The following C3orf52 variants were observed in gnomAD, a reference collection of about 807,000 sequenced individuals.
C3orf52 encodes chromosome 3 open reading frame 52.
In C3orf52, 22 loss-of-function variants were observed where a neutral mutation model predicts 24.8. That is an observed-to-expected ratio of 0.89 (90% confidence interval 0.63 to 1.27). The LOEUF is 1.27. Among genes scored for constraint, C3orf52 ranks in the 50% most tolerant of loss-of-function variants. The probability of loss-of-function intolerance (pLI) is 0.00; values close to 1 mark genes in which losing one functional copy is unlikely to be tolerated. For missense variants in C3orf52, 265 were observed against 260.7 expected, an observed-to-expected ratio of 1.02 and a Z score of -0.11; for synonymous variants, 93 against 100.2, an observed-to-expected ratio of 0.93 and a Z score of 0.43.
chr3:112,127,828 C>T (rs1334180649), intron 4 of C3orf52, among the ~76,000 whole-genome samples: 1 of 152,076 alleles, frequency 6.6e-6, no homozygotes, highest in Admixed American at 6.6e-5. Context: ...AGCATGCGAC[C>T]CATGAGACTA....
chr3:112,098,601 G>A (rs1018546709), intron 2 of C3orf52, among the ~76,000 whole-genome samples: 1 of 152,152 alleles, frequency 6.6e-6, no homozygotes. Context: ...TTGTTTGTAT[G>A]CTATTTTAGT....
At chr3:112,131,637 CT>C (rs1415957516), downstream of C3orf52, among the ~76,000 whole-genome samples, 15 of 152,068 alleles carry the variant, frequency 9.9e-5, no homozygotes, top group Non-Finnish European at 1.5e-5. Flanking sequence ...CAAGGGAGAC[CT>C]TTTAAATCAT....
chr3:112,089,464 G>A (rs71315896), intron 1 of C3orf52, among the ~76,000 whole-genome samples: 4 of 150,454 alleles, frequency 2.7e-5, no homozygotes, highest in African/African-American at 9.8e-5. Flanking sequence ...GGGAGGCGGA[G>A]GTCGTGGTGA....
chr3:112,102,739 G>A lies in C3orf52; in HGVS notation c.269-99G>A, dbSNP rs868790351. 2.8e-5 allele frequency: 32 copies of A among 1,131,332 alleles called. 1 individual carries two copies. The highest frequency in any genetic ancestry group is 6.0e-4 in the Middle Eastern group (2 of 3,328). The allele number at this position is 1,131,332 out of a possible 1,614,324, so 70.1% of individuals were successfully genotyped here. On this transcript the variant is annotated intron_variant, in intron 2 of 5. Coordinates refer to ENST00000264848, the MANE Select transcript of C3orf52 (RefSeq NM_024616.3). Reference sequence around the variant, plus strand: ...TCAGCCTTTACCCTTGATGCTCATAGTTATGTTTAAGTATGGCAGTCAATG... The same window carrying A: ...TCAGCCTTTACCCTTGATGCTCATAATTATGTTTAAGTATGGCAGTCAATG...
downstream of C3orf52, chr3:112,130,442 C>T (rs755741973): frequency 9.9e-6 from 16 of 1,613,604 alleles, 1 homozygote; most frequent in Admixed American, 2.3e-4. Flanking sequence ...ATTTTGCTCT[C>T]ACCTGGATGT....
At position 112,114,537 on chromosome 3, in the gene C3orf52, C is replaced by T. The variant is rs534600395; in HGVS notation, c.649+1392C>T. ...TGGCCAACATGGTGAAACCCCATCT[C>T]TACTAAAAATACAAAAATTAGCCGG... On this transcript the variant is annotated intron_variant, in intron 5 of 5. Coordinates refer to ENST00000264848, the MANE Select transcript of C3orf52 (RefSeq NM_024616.3). 2.2e-4 allele frequency among the ~76,000 whole-genome samples: 34 copies of T among 152,108 alleles called. No homozygotes were observed. In the South Asian group the frequency reaches 7.1e-3, roughly 32 times the overall value.
chr3:112,120,526 C>T (rs547697885), downstream of C3orf52, among the ~76,000 whole-genome samples: 29 of 152,214 alleles, frequency 1.9e-4, no homozygotes, highest in South Asian at 4.8e-3. Context: ...AAACGGAAAC[C>T]ACAAAGTCTG....
chr3:112,088,110 ACTT>A (rs908014673), intron 1 of C3orf52, among the ~76,000 whole-genome samples: 1 of 152,184 alleles, frequency 6.6e-6, no homozygotes, highest in Non-Finnish European at 1.5e-5. Context: ...GATACCCTGG[ACTT>A]CTTTGTAAGT....
chr3:112,086,926 CCTT>C (rs1330806194), intron 1 of C3orf52, among the ~76,000 whole-genome samples: 1 of 152,176 alleles, frequency 6.6e-6, no homozygotes, highest in African/African-American at 2.4e-5. Flanking sequence ...TGAGTATCCT[CCTT>C]CTCTCAGAAT....
intron 4 of C3orf52, chr3:112,109,877 G>T (rs1008267978): frequency 3.4e-5 from 12 of 352,170 alleles, no homozygotes; most frequent in Non-Finnish European, 5.3e-5. Flanking sequence ...CCAGTCCCAG[G>T]TAAACCATTT....
chr3:112,097,564 T>C (rs1173116972), intron 2 of C3orf52, among the ~76,000 whole-genome samples: 2 of 152,308 alleles, frequency 1.3e-5, no homozygotes, highest in South Asian at 2.1e-4. Context: ...TATGATGTCA[T>C]GTGGTTCTGG....
chr3:112,116,580 G>A (rs992375623), intron 5 of C3orf52, 62 bp from the exon 6 acceptor site: 51 of 1,346,662 alleles, frequency 3.8e-5, no homozygotes, highest in South Asian at 3.6e-4. Flanking sequence ...AAATGAAAAC[G>A]TAAGCATTTA....
At chr3:112,119,560 G>T, downstream of C3orf52, 2 of 702,714 alleles carry the variant, frequency 2.8e-6, no homozygotes, top group Non-Finnish European at 5.2e-6. Flanking sequence ...TTCTTAGGAT[G>T]AGGTACATAT....
downstream of C3orf52, among the ~76,000 whole-genome samples, chr3:112,131,385 G>C (rs1559988218): frequency 1.3e-5 from 2 of 152,148 alleles, no homozygotes; most frequent in Non-Finnish European, 2.9e-5. Context: ...CACGGTTGGG[G>C]GGGTATGCTG....
At chr3:112,092,611 C>T (rs1420633989) in intron 1 of C3orf52, among the ~76,000 whole-genome samples, 2 of 152,194 alleles carry the variant, frequency 1.3e-5, no homozygotes, top group African/African-American at 4.8e-5. Context: ...CTAGTGCACA[C>T]CCTGAAGGGC....
chr3:112,099,900 C>CGATA (rs748217534), intron 2 of C3orf52, among the ~76,000 whole-genome samples: 4 of 152,202 alleles, frequency 2.6e-5, no homozygotes, highest in Non-Finnish European at 5.9e-5. Context: ...TTTACTATCA[C>CGATA]CTACATTGTA....
chr3:112,123,397 A>G, intron 4 of C3orf52: 1 of 1,573,018 alleles, frequency 6.4e-7, no homozygotes, highest in South Asian at 1.2e-5. Flanking sequence ...CTTCAGGCAG[A>G]TCCCCCATCC....
intron 2 of C3orf52, among the ~76,000 whole-genome samples, chr3:112,098,696 GA>G (rs2073946961): frequency 6.6e-6 from 1 of 152,152 alleles, no homozygotes; most frequent in South Asian, 2.1e-4. Flanking sequence ...TGGAGGCTGG[GA>G]ACTCCAAGAT....
At position 112,102,960 on chromosome 3, in the gene C3orf52, G is replaced by A. The variant is rs746731235; in HGVS notation, c.391G>A (p.Glu131Lys). ...AGAGGAATTGCCTCACCTGCTCACC[G>A]AAAGGGTAATTCCATCTTATATATT... Reference protein sequence around the residue: ...AEEELPHLLTERLTDVYSTSP... With the variant: ...AEEELPHLLTKRLTDVYSTSP... The change falls in exon 3 of 6, where the codon GAA (glutamate) becomes AAA (lysine). Residue 131 changes from glutamate (E) to lysine (K), a missense_variant. Transcript: ENST00000264848. The A allele has an allele frequency of 2.0e-5, 32 of 1,612,038 alleles. No homozygotes were observed. In the African/African-American group the frequency reaches 2.7e-4, roughly 13 times the overall value.
Sources: gnomAD v4.1 joint callset for allele counts (sites outside exome capture counted in the v4.1 genomes callset) on GRCh38, gnomAD v4.1.1 for gene constraint, MANE v1.5 for transcripts, NCBI Gene and HGNC (gene_info 2026-07-23, HGNC 2026-07-21) for gene names.